ALPK1: variants seen among roughly 807,000 people sequenced by gnomAD.
ALPK1 encodes the protein alpha-protein kinase 1.
ALPK1 carries 110 observed loss-of-function variants against 120.6 expected under a neutral mutation model. The ratio of observed to expected loss-of-function variants is 0.91; its 90% CI spans 0.78 to 1.07. The LOEUF (loss-of-function observed/expected upper bound fraction) is 1.07. ALPK1 is among the 50% of genes least tolerant of loss of function. The pLI, the probability that ALPK1 is intolerant of heterozygous loss-of-function variation, is 0.00. For missense variants in ALPK1, 1,498 were observed against 1,483.9 expected (o/e 1.01, Z -0.16); for synonymous variants, 582 against 560.3 (o/e 1.04, Z -0.55).
intron 2 of ALPK1, chr4:112,358,494 G>T: frequency 1.5e-6 from 1 of 674,246 alleles, no homozygotes. Context: ...CTGAAGCAGA[G>T]GCCCTCAGGG....
At chr4:112,313,450 T>A (rs1728501584) in intron 1 of ALPK1, among the ~76,000 whole-genome samples, 1 of 152,142 alleles carries the variant, frequency 6.6e-6, no homozygotes, top group Non-Finnish European at 1.5e-5. Context: ...AGGCCGGGCA[T>A]GGTGGCTCAC....
rs765509206 is a variant in ALPK1 at position 112,409,861 on chromosome 4, T to C, written c.277-1966T>C. Among the ~76,000 whole-genome samples, 78 of 152,080 alleles carry C rather than the reference T, an allele frequency of 5.1e-4. 1 individual carries two copies. The highest frequency in any genetic ancestry group is 3.2e-3 in the Middle Eastern group (1 of 316). ...AGAGAAGAGATATTCTCCCCAACAG[T>C]TGGCAATTCTATCACAATGACAGCA... is the stretch of plus-strand genomic sequence containing the variant. On this transcript the variant is annotated intron_variant, in intron 4 of 15. Coordinates refer to ENST00000650871, the MANE Select transcript of ALPK1 (RefSeq NM_025144.4).
intron 2 of ALPK1, chr4:112,356,683 G>C: frequency 2.1e-6 from 2 of 973,406 alleles, no homozygotes; most frequent in Middle Eastern, 4.3e-4. Flanking sequence ...GCCTGGAGCA[G>C]GAGCTGGCCA....
Position 112,430,864 on chromosome 4 carries a change from C to A in ALPK1, c.1317C>A (p.Cys439Ter), listed in dbSNP as rs746796689. 1 of 1,614,120 alleles carries A rather than the reference C, an allele frequency of 6.2e-7. No individual in the cohort carries two copies. The highest frequency in any genetic ancestry group is 1.1e-5 in the South Asian group (1 of 91,080). Residue 439 changes from cysteine (C) to a stop codon, truncating the protein, a stop_gained, in exon 11 of 16, where the codon TGC becomes TGA. Coordinates refer to ENST00000650871, the MANE Select transcript of ALPK1 (RefSeq NM_025144.4). LOFTEE classifies it high-confidence loss of function. ...DRSYVPESFE[C>*]RLDKLILHGQ... is the part of the protein sequence containing the mutation. ...CTTATGTTCCCGAGAGTTTCGAGTG[C>A]AGGTTGGATAAACTTATCTTGCATG...
At chr4:112,358,362 C>A in intron 2 of ALPK1, 1 of 600,320 alleles carries the variant, frequency 1.7e-6, no homozygotes, top group Non-Finnish European at 3.0e-6. Flanking sequence ...ATGCCAGCAC[C>A]GGCCCCCTGG....
At position 112,431,167 on chromosome 4, in the gene ALPK1, C is replaced by A. The variant is rs1450007628; in HGVS notation, c.1620C>A (p.Thr540=). Reference sequence around the variant, plus strand: ...GAAGGGGAGGAAGGAGAAACTGGACCCATTCTGATGCATTTCGAGTCTCCT... The same window carrying A: ...GAAGGGGAGGAAGGAGAAACTGGACACATTCTGATGCATTTCGAGTCTCCT... The part of the protein sequence containing the change: ...ELRRGGRRNW[T]HSDAFRVSLD... The change falls in exon 11 of 16, where the codon ACC becomes ACA. Residue 540 remains threonine, a synonymous_variant. Coordinates refer to ENST00000650871, the MANE Select transcript of ALPK1 (RefSeq NM_025144.4). The A allele has an allele frequency of 6.2e-7, 1 of 1,614,066 alleles. No individual in the cohort carries two copies. Among genetic ancestry groups the A allele is most frequent in the Middle Eastern group, 1.6e-4 (1 of 6,062 alleles).
At chr4:112,421,584 G>C (rs1733993396) in intron 5 of ALPK1, among the ~76,000 whole-genome samples, 1 of 152,100 alleles carries the variant, frequency 6.6e-6, no homozygotes, top group Non-Finnish European at 1.5e-5. Flanking sequence ...CCTAAATCTT[G>C]CTTAAAAATG....
At chr4:112,439,005 T>C (rs771237632) in intron 13 of ALPK1, among the ~76,000 whole-genome samples, 6 of 152,192 alleles carry the variant, frequency 3.9e-5, no homozygotes, top group Non-Finnish European at 8.8e-5. Context: ...TTTATCTAAC[T>C]TCTGTCCATG....
chr4:112,402,371 G>A (rs17528682), intron 4 of ALPK1, among the ~76,000 whole-genome samples: 2,622 of 152,298 alleles, frequency 0.017, 47 homozygotes, highest in Middle Eastern at 0.078. Flanking sequence ...ATCGGGAGGG[G>A]CTGGCGCTAA....
intron 2 of ALPK1, among the ~76,000 whole-genome samples, chr4:112,355,481 T>G (rs1439639622): frequency 6.6e-6 from 1 of 152,112 alleles, no homozygotes. Context: ...TTCTCAAATT[T>G]TCAGGAAAGC....
chr4:112,327,538 G>T (rs1318934202), intron 2 of ALPK1, among the ~76,000 whole-genome samples: 1 of 152,108 alleles, frequency 6.6e-6, no homozygotes, highest in Non-Finnish European at 1.5e-5. Context: ...AGGCTTAAGG[G>T]ATCCCCCCGA....
intron 2 of ALPK1, among the ~76,000 whole-genome samples, chr4:112,376,897 A>G (rs1731687261): frequency 1.3e-5 from 2 of 152,228 alleles, no homozygotes; most frequent in South Asian, 4.1e-4. Flanking sequence ...AGATAGACAA[A>G]AAGATTTGTT....
chr4:112,333,282 A>G (rs1461622695), intron 2 of ALPK1, among the ~76,000 whole-genome samples: 1 of 152,152 alleles, frequency 6.6e-6, no homozygotes, highest in Non-Finnish European at 1.5e-5. Flanking sequence ...CATGGAGTAC[A>G]TTTCTACTTT....
At chr4:112,358,687 T>A in intron 2 of ALPK1, 1 of 735,902 alleles carries the variant, frequency 1.4e-6, no homozygotes, top group South Asian at 1.4e-5. Context: ...TCTAAGAGGC[T>A]GGCAGAGGAG....
chr4:112,432,070 G>A lies in ALPK1; in HGVS notation c.2523G>A (p.Glu841=), dbSNP rs80280654. 695 of 1,614,130 alleles carry A rather than the reference G, an allele frequency of 4.3e-4. 6 individuals are homozygous for A. In the African/African-American group the frequency reaches 8.5e-3, roughly 20 times the overall value. ...DSRKSGGPVA[E]QGIDPDASTV... is the part of the protein sequence containing the mutation. ...GAAAAAGTGGTGGCCCAGTCGCAGA[G>A]CAGGGCATCGACCCTGATGCCTCCA... Residue 841 remains glutamate, a synonymous_variant, in exon 11 of 16, where the codon GAG becomes GAA. Transcript: ENST00000650871.
intron 4 of ALPK1, among the ~76,000 whole-genome samples, chr4:112,406,855 C>T (rs372017991): frequency 1.3e-5 from 2 of 152,164 alleles, no homozygotes; most frequent in South Asian, 2.1e-4. Context: ...TGAGTCCCAT[C>T]GCACCTAGTC....
At chr4:112,356,492 G>C in intron 2 of ALPK1, 1 of 942,860 alleles carries the variant, frequency 1.1e-6, no homozygotes, top group Non-Finnish European at 1.7e-6. Context: ...AACTCACACA[G>C]GTCATCAACA....
intron 2 of ALPK1, chr4:112,358,102 G>A (rs1201834926): frequency 5.1e-6 from 3 of 592,886 alleles, no homozygotes; most frequent in Non-Finnish European, 9.6e-6. Context: ...TAAGATGCGA[G>A]ATGAAGGGCC....
At chr4:112,414,156 G>A (rs939862556) in intron 5 of ALPK1, 3 of 418,004 alleles carry the variant, frequency 7.2e-6, no homozygotes, top group African/African-American at 6.1e-5. Flanking sequence ...AGAAGTGAAA[G>A]AGATTATATA....
Sources: gnomAD v4.1 joint callset for allele counts (sites outside exome capture counted in the v4.1 genomes callset) on GRCh38, gnomAD v4.1.1 for gene constraint, MANE v1.5 for transcripts, NCBI Gene and HGNC (gene_info 2026-07-23, HGNC 2026-07-21) for gene names.